USP31: variants seen among roughly 807,000 people sequenced by gnomAD.
The protein encoded by USP31 is ubiquitin specific peptidase 31, also known as ubiquitin carboxyl-terminal hydrolase 31.
USP31 carries 44 observed loss-of-function variants against 119.4 expected under a neutral mutation model. The observed-to-expected ratio is 0.37, with a 90% CI of 0.29 to 0.47. USP31 has a LOEUF of 0.47. USP31 is among the 20% of genes least tolerant of loss of function. The pLI is 0.99. For synonymous variants in USP31, 749 were observed against 705.6 expected (o/e 1.06, Z -0.97); for missense variants, 1,643 against 1,730.2 (o/e 0.95, Z 0.89).
intron 1 of USP31, among the ~76,000 whole-genome samples, chr16:23,147,392 A>G (rs1903548900): frequency 6.6e-6 from 1 of 152,176 alleles, no homozygotes; most frequent in Non-Finnish European, 1.5e-5. Flanking sequence ...TACAGGCATG[A>G]GCCACTGCGC....
intron 1 of USP31, among the ~76,000 whole-genome samples, chr16:23,109,857 A>T (rs931625610): frequency 1.2e-4 from 18 of 151,010 alleles, no homozygotes; most frequent in Non-Finnish European, 2.2e-4. Flanking sequence ...AAAAAAAAAA[A>T]AAAATGTGAC....
chr16:23,127,294 G>T (rs1462372407), intron 1 of USP31, among the ~76,000 whole-genome samples: 1 of 151,272 alleles, frequency 6.6e-6, no homozygotes, highest in East Asian at 1.9e-4. Flanking sequence ...GGGCATGGTG[G>T]TGAGCACCTG....
In USP31 at chr16:23,062,932, T is replaced by C. The variant is rs747358670; in HGVS notation, c.*5114A>G. On this transcript the variant is annotated 3_prime_UTR_variant, in exon 16 of 16. Transcript: ENST00000219689. The stretch of plus-strand genomic sequence containing the variant: ...CAAATGGCAGTGATTCTCGCCATAA[T>C]TCTCAGTAAAGGGATGACGTATCAT... 6 of 152,676 alleles carry C rather than the reference T, an allele frequency of 3.9e-5. No individual in the cohort carries two copies. Among genetic ancestry groups the C allele is most frequent in the Non-Finnish European group, 7.3e-5 (5 of 68,044 alleles). 9.5% of individuals were successfully genotyped at this position (152,676 alleles called of 1,614,324 possible). A position where few individuals can be genotyped will look rare whatever the true frequency, so the allele number is the denominator to read the frequency against.
chr16:23,133,172 C>T (rs566793782), intron 1 of USP31, among the ~76,000 whole-genome samples: 6 of 152,252 alleles, frequency 3.9e-5, no homozygotes, highest in Admixed American at 2.0e-4. Flanking sequence ...ATACGAGGCC[C>T]GCCATTTCCT....
chr16:23,119,592 C>T (rs1376799582), intron 1 of USP31, among the ~76,000 whole-genome samples: 2 of 152,198 alleles, frequency 1.3e-5, no homozygotes, highest in African/African-American at 2.4e-5. Context: ...GCTGCACCAA[C>T]CTTGAGGCTT....
chr16:23,144,082 T>C (rs367709913), intron 1 of USP31, among the ~76,000 whole-genome samples: 1 of 152,174 alleles, frequency 6.6e-6, no homozygotes. Flanking sequence ...TTAACAACCA[T>C]CTAGCCCATC....
chr16:23,132,237 CA>C (rs2141896761), intron 1 of USP31, among the ~76,000 whole-genome samples: 1 of 151,730 alleles, frequency 6.6e-6, no homozygotes, highest in South Asian at 2.1e-4. Flanking sequence ...ATTAGCAGAG[CA>C]AACAATAATA....
chr16:23,144,301 A>G (rs1903442406), intron 1 of USP31, among the ~76,000 whole-genome samples: 1 of 152,168 alleles, frequency 6.6e-6, no homozygotes, highest in African/African-American at 2.4e-5. Flanking sequence ...CTCCTCTGCC[A>G]ACTTCAACTA....
At chr16:23,122,299 A>G (rs932949140) in intron 1 of USP31, among the ~76,000 whole-genome samples, 2 of 152,232 alleles carry the variant, frequency 1.3e-5, no homozygotes, top group Admixed American at 6.5e-5. Flanking sequence ...CTATAATGAA[A>G]AAGACAGACG....
intron 5 of USP31, among the ~76,000 whole-genome samples, chr16:23,105,058 G>A (rs1334955945): frequency 6.6e-6 from 1 of 152,136 alleles, no homozygotes; most frequent in African/African-American, 2.4e-5. Context: ...CAATGGGAAG[G>A]GGTTTTCTAG....
intron 1 of USP31, chr16:23,115,654 C>T (rs531320146): frequency 1.5e-5 from 7 of 460,220 alleles, no homozygotes; most frequent in African/African-American, 1.3e-4. Context: ...GACTTAAATC[C>T]TATACATCCT....
chr16:23,063,349 T>C lies in USP31; in HGVS notation c.*4697A>G, dbSNP rs950796794. The C allele has an allele frequency of 1.3e-5, 2 of 152,478 alleles. No individual in the cohort carries two copies. Among genetic ancestry groups the C allele is most frequent in the African/African-American group, 4.8e-5 (2 of 41,468 alleles). The allele number at this position is 152,478 out of a possible 1,614,324, so 9.4% of individuals were successfully genotyped here. ...ATCAGTGGCTGGGAAGCCCCAAAGC[T>C]TTTCAAAATAGCTCTAAGTCTCTAT... On this transcript the variant is annotated 3_prime_UTR_variant, in exon 16 of 16. Coordinates refer to ENST00000219689, the MANE Select transcript of USP31 (RefSeq NM_020718.4).
In USP31 at chr16:23,066,202, C is replaced by T. The variant is rs1286104128; in HGVS notation, c.*1844G>A. The T allele has an allele frequency of 6.6e-6, 1 of 152,508 alleles. No individual in the cohort carries two copies. Among genetic ancestry groups the T allele is most frequent in the African/African-American group, 2.4e-5 (1 of 41,430 alleles). 9.4% of individuals were successfully genotyped at this position (152,508 alleles called of 1,614,324 possible). A position where few individuals can be genotyped will look rare whatever the true frequency, so the allele number is the denominator to read the frequency against. ...AGGGCTGAGTGCAATGGACAACAGG[C>T]TCACAGTCAATGAATCACATGGAGC... On this transcript the variant is annotated 3_prime_UTR_variant, in exon 16 of 16. Coordinates refer to ENST00000219689, the MANE Select transcript of USP31 (RefSeq NM_020718.4).
At position 23,122,211 on chromosome 16, in the gene USP31, G is replaced by T. The variant is rs939654396; in HGVS notation, c.634-14028C>A. On this transcript the variant is annotated intron_variant, in intron 1 of 15. Coordinates refer to ENST00000219689, the MANE Select transcript of USP31 (RefSeq NM_020718.4). ...TATCTAATATCAAATTTTAGCAAAA[G>T]AACCCAGACACAAAAGAATATATAC... Among the ~76,000 whole-genome samples, 4 of 152,064 alleles carry T rather than the reference G, an allele frequency of 2.6e-5. No homozygotes were observed. In the South Asian group the frequency reaches 8.3e-4, roughly 32 times the overall value.
intron 6 of USP31, among the ~76,000 whole-genome samples, chr16:23,101,022 T>C (rs543859675): frequency 1.8e-4 from 27 of 151,738 alleles, no homozygotes; most frequent in African/African-American, 6.0e-4. Flanking sequence ...GAGGAGGGGG[T>C]TATGCTCCTT....
In USP31 at chr16:23,149,020, G is replaced by A; in HGVS notation, c.251C>T (p.Ala84Val). ...GCTGCGGAGGCCGCCGCGGTCTGGGGCGGCGCCCTCAGAGCTAAGGTGCGA... is the reference window on the plus strand; with the variant it reads ...GCTGCGGAGGCCGCCGCGGTCTGGGACGGCGCCCTCAGAGCTAAGGTGCGA... ...TLSHLSSEGA[A>V]PDRGGLRSCF... The change falls in exon 1 of 16, where the codon GCC becomes GTC. Residue 84 changes from alanine to valine, a missense_variant. Ala to Val is a moderately conservative substitution (Grantham distance 64, BLOSUM62 0). Around this residue, in one of 5 missense-constraint regions of USP31, gnomAD observed 302 missense variants for 262.6 expected, o/e 1.15. Transcript: ENST00000219689. 8 of 1,163,626 alleles carry A rather than the reference G, an allele frequency of 6.9e-6. No individual in the cohort carries two copies. The highest frequency in any genetic ancestry group is 8.7e-6 in the Non-Finnish European group (8 of 924,674). The allele number at this position is 1,163,626 out of a possible 1,614,324, so 72.1% of individuals were successfully genotyped here. A position where few individuals can be genotyped will look rare whatever the true frequency, so the allele number is the denominator to read the frequency against.
chr16:23,128,957 T>C (rs1202662222), intron 1 of USP31, among the ~76,000 whole-genome samples: 2 of 152,202 alleles, frequency 1.3e-5, no homozygotes, highest in Non-Finnish European at 1.5e-5. Context: ...CATGATGAGA[T>C]TATAGAAATT....
intron 1 of USP31, among the ~76,000 whole-genome samples, chr16:23,116,231 C>A (rs543574970): frequency 6.6e-6 from 1 of 151,930 alleles, no homozygotes; most frequent in East Asian, 1.9e-4. Flanking sequence ...ACAAAAAAAA[C>A]AGAAGAACTC....
At position 23,068,194 on chromosome 16, in the gene USP31, G is replaced by C; in HGVS notation, c.3911C>G (p.Ser1304Cys). 1 of 1,614,200 alleles carries C rather than the reference G, an allele frequency of 6.2e-7. No homozygotes were observed. The highest frequency in any genetic ancestry group is 8.5e-7 in the Non-Finnish European group (1 of 1,180,038). ...CTTGGATTTGCGAGCGGACAGCAGGGAATGTTTGGCAGAAGCAGGGTCCTT... is the reference window on the plus strand; with the variant it reads ...CTTGGATTTGCGAGCGGACAGCAGGCAATGTTTGGCAGAAGCAGGGTCCTT... ...VTKDPASAKHSLLSARKSKSS... is the reference protein window; with the variant it reads ...VTKDPASAKHCLLSARKSKSS... Residue 1304 changes from serine to cysteine, a missense_variant, in exon 16 of 16, where the codon TCC becomes TGC. Ser to Cys is a moderately radical substitution (Grantham distance 112, BLOSUM62 -1). This residue lies in a region of USP31 where 699 missense variants were observed against 650.9 expected (regional missense o/e 1.07). Coordinates refer to ENST00000219689, the MANE Select transcript of USP31 (RefSeq NM_020718.4).
Sources: gnomAD v4.1 joint callset for allele counts (sites outside exome capture counted in the v4.1 genomes callset) on GRCh38, gnomAD v4.1.1 for gene constraint, gnomAD v4.1.1 regional missense constraint, MANE v1.5 for transcripts, NCBI Gene and HGNC (gene_info 2026-07-23, HGNC 2026-07-21) for gene names.